Variants in IPO7 observed in about 807,000 individuals in gnomAD.
IPO7 encodes importin-7.
A neutral mutation model predicts 136.4 loss-of-function variants in IPO7; 13 were observed. That is an observed-to-expected ratio of 0.10 (90% CI 0.06 to 0.15). The LOEUF (loss-of-function observed/expected upper bound fraction) is 0.15. Among genes scored for constraint, IPO7 ranks in the 10% least tolerant of loss-of-function variants. The probability of loss-of-function intolerance (pLI) is 1.00; values close to 1 mark genes in which losing one functional copy is unlikely to be tolerated. For missense variants in IPO7, 857 were observed against 1,240.6 expected (o/e 0.69, Z 4.65); for synonymous variants, 403 against 404.4 (o/e 1.00, Z 0.04).
At chr11:9,432,542 C>T (rs1336871777) in intron 16 of IPO7, among the ~76,000 whole-genome samples, 2 of 152,142 alleles carry the variant, frequency 1.3e-5, no homozygotes, top group Non-Finnish European at 2.9e-5. Flanking sequence ...TGAATATAAG[C>T]AGAAGCCATG....
chr11:9,438,049 T>TTG, intron 21 of IPO7, 31 bp from the exon 22 acceptor site: 2 of 357,950 alleles, frequency 5.6e-6, no homozygotes, highest in East Asian at 1.3e-4. Context: ...AAAACAGTTT[T>TTG]TTTTTTTTTT....
chr11:9,434,487 A>C (rs541572299), intron 18 of IPO7, among the ~76,000 whole-genome samples: 14 of 152,192 alleles, frequency 9.2e-5, no homozygotes, highest in Non-Finnish European at 1.9e-4. Context: ...TTTAATTATA[A>C]ATGAATATGT....
chr11:9,402,245 C>CA (rs1246680386), intron 1 of IPO7, among the ~76,000 whole-genome samples: 4 of 145,568 alleles, frequency 2.7e-5, no homozygotes, highest in Non-Finnish European at 6.0e-5. Flanking sequence ...ATTAAAAATA[C>CA]AAAAATTAGC....
At chr11:9,421,820 T>C (rs1330434869) in intron 8 of IPO7, among the ~76,000 whole-genome samples, 4 of 152,056 alleles carry the variant, frequency 2.6e-5, no homozygotes, top group African/African-American at 9.6e-5. Flanking sequence ...GGCGGGCGCC[T>C]GTATTCCCAG....
chr11:9,421,336 G>T (rs1003796350), intron 8 of IPO7, among the ~76,000 whole-genome samples: 66 of 150,590 alleles, frequency 4.4e-4, no homozygotes, highest in African/African-American at 1.6e-3. Flanking sequence ...CTTGAAATGA[G>T]GGACTCGTTT....
chr11:9,398,811 A>G (rs11042331), intron 1 of IPO7, among the ~76,000 whole-genome samples: 4,287 of 152,308 alleles, frequency 0.028, 168 homozygotes, highest in East Asian at 0.098. Flanking sequence ...CTACAGTGCT[A>G]TAGAACACTA....
chr11:9,389,237 C>T (rs780850363), intron 1 of IPO7, among the ~76,000 whole-genome samples: 30 of 151,952 alleles, frequency 2.0e-4, no homozygotes, highest in African/African-American at 4.6e-4. Context: ...TTAGTAGAGA[C>T]GGGGTTTCGC....
chr11:9,392,716 A>G (rs1053323926), intron 1 of IPO7, among the ~76,000 whole-genome samples: 22 of 152,190 alleles, frequency 1.4e-4, no homozygotes, highest in Admixed American at 4.6e-4. Context: ...TGGGAGGCCA[A>G]GGTGGGTGGA....
In IPO7 at chr11:9,408,933, C is replaced by T. The variant is rs185018810; in HGVS notation, c.320+294C>T. The stretch of plus-strand genomic sequence containing the variant: ...TTCACCATGTTGGCGAGGATGGTCT[C>T]GATTTCCTGACCTCGTGATCCAACT... On this transcript the variant is annotated intron_variant, in intron 3 of 24. Coordinates refer to ENST00000379719, the MANE Select transcript of IPO7 (RefSeq NM_006391.3). Among the ~76,000 whole-genome samples the T allele has an allele frequency of 6.0e-5, 9 of 151,220 alleles. No individual in the cohort carries two copies. The East Asian group carries it at 1.8e-3, about 30-fold the overall frequency.
intron 6 of IPO7, 35 bp from the exon 7 acceptor site, chr11:9,420,376 A>G (rs759980583): frequency 7.5e-7 from 1 of 1,324,784 alleles, no homozygotes; most frequent in Non-Finnish European, 1.1e-6. Context: ...CCTATATTGT[A>G]TTATCTCTAT....
chr11:9,387,623 G>C (rs1048358093), intron 1 of IPO7, among the ~76,000 whole-genome samples: 1 of 152,326 alleles, frequency 6.6e-6, no homozygotes, highest in Non-Finnish European at 1.5e-5. Context: ...CTTGAGGTTG[G>C]GAGTTTGAGA....
intron 15 of IPO7, 41 bp downstream of exon 15, chr11:9,429,875 G>A: frequency 2.1e-6 from 3 of 1,439,266 alleles, no homozygotes; most frequent in Non-Finnish European, 2.8e-6. Flanking sequence ...GCATTTTAAT[G>A]TAGCTCTCAG....
At chr11:9,394,836 A>G (rs1854686549) in intron 1 of IPO7, among the ~76,000 whole-genome samples, 1 of 152,174 alleles carries the variant, frequency 6.6e-6, no homozygotes, top group East Asian at 1.9e-4. Context: ...TTTTGATGAG[A>G]TGAATTAAGT....
At chr11:9,392,313 G>T in intron 1 of IPO7, 1 of 309,270 alleles carries the variant, frequency 3.2e-6, no homozygotes, top group South Asian at 2.5e-5. Flanking sequence ...GAGTAGCTGG[G>T]ATTACAGGTA....
rs1486813047 is a variant in IPO7, at chr11:9,437,933, T to G, written c.2448T>G (p.His816Gln). The change falls in exon 21 of 25, where the codon CAT becomes CAG. Residue 816 changes from histidine (H) to glutamine (Q), a missense_variant. Physicochemically the swap from His to Gln is conservative, Grantham distance 24. This residue lies in a region of IPO7 where 190 missense variants were observed against 249.0 expected (regional missense o/e 0.76). Coordinates refer to ENST00000379719, the MANE Select transcript of IPO7 (RefSeq NM_006391.3). Reference sequence around the variant, plus strand: ...ATAATGTTGAACCAGTTACAAATCATTTTATTACACAGTGGCTTAATGATG... The same window carrying G: ...ATAATGTTGAACCAGTTACAAATCAGTTTATTACACAGTGGCTTAATGATG... ...FPNNVEPVTN[H>Q]FITQWLNDVD... The G allele has an allele frequency of 6.2e-7, 1 of 1,613,714 alleles. No homozygotes were observed. Among genetic ancestry groups the G allele is most frequent in the Non-Finnish European group, 8.5e-7 (1 of 1,179,782 alleles).
intron 2 of IPO7, among the ~76,000 whole-genome samples, chr11:9,404,513 A>C (rs540711626): frequency 6.6e-6 from 1 of 151,844 alleles, no homozygotes; most frequent in South Asian, 2.1e-4. Flanking sequence ...ACTTCACTTA[A>C]TGTTGTATAC....
intron 1 of IPO7, among the ~76,000 whole-genome samples, chr11:9,397,328 T>TACA (rs1417852276): frequency 0.015 from 14 of 934 alleles, no homozygotes; most frequent in African/African-American, 0.022. Flanking sequence ...TTACTAAAAA[T>TACA]AATTTAAAAA....
At chr11:9,420,354 C>T in intron 6 of IPO7, 57 bp from the exon 7 acceptor site, 6 of 1,130,102 alleles carry the variant, frequency 5.3e-6, no homozygotes, top group Non-Finnish European at 7.9e-6. Flanking sequence ...ATTCTCATCT[C>T]ATGCTGTTCC....
At chr11:9,415,606 A>G (rs1303358919) in intron 5 of IPO7, among the ~76,000 whole-genome samples, 1 of 152,188 alleles carries the variant, frequency 6.6e-6, no homozygotes, top group African/African-American at 2.4e-5. Flanking sequence ...TGGGAGGCCG[A>G]GGCGGGCGGA....
Sources: gnomAD v4.1 joint callset for allele counts (sites outside exome capture counted in the v4.1 genomes callset) on GRCh38, gnomAD v4.1.1 for gene constraint, gnomAD v4.1.1 regional missense constraint, MANE v1.5 for transcripts, NCBI Gene and HGNC (gene_info 2026-07-23, HGNC 2026-07-21) for gene names.